CRB1: variants seen among roughly 807,000 people sequenced by gnomAD.
CRB1 encodes the protein protein crumbs homolog 1.
A neutral mutation model predicts 120.0 loss-of-function variants in CRB1; 83 were observed. The observed-to-expected ratio is 0.69, with a 90% CI of 0.58 to 0.83. The LOEUF (loss-of-function observed/expected upper bound fraction) is 0.83. Ranked by LOEUF, CRB1 falls within the 40% of genes least tolerant of loss-of-function variation. The probability of loss-of-function intolerance (pLI) is 0.00; values close to 1 mark genes in which losing one functional copy is unlikely to be tolerated. For missense variants in CRB1, 1,699 were observed against 1,687.6 expected, an observed-to-expected ratio of 1.01 and a Z score of -0.12; for synonymous variants, 625 against 612.5, an observed-to-expected ratio of 1.02 and a Z score of -0.30.
chr1:197,398,512 G>A (rs1311623336), intron 5 of CRB1, among the ~76,000 whole-genome samples: 2 of 152,110 alleles, frequency 1.3e-5, no homozygotes, highest in Non-Finnish European at 2.9e-5. Flanking sequence ...GGAAGATAAG[G>A]ATAGATTAAA....
the CRB1 span, among the ~76,000 whole-genome samples, chr1:197,215,779 A>AC: frequency 6.6e-6 from 1 of 152,178 alleles, no homozygotes; most frequent in South Asian, 2.1e-4. Flanking sequence ...GCCATGCAGA[A>AC]CTGTGAGTCA....
chr1:197,214,934 CAAAACAA>C, the CRB1 span, among the ~76,000 whole-genome samples: 1 of 150,638 alleles, frequency 6.6e-6, no homozygotes, highest in Non-Finnish European at 1.5e-5. Context: ...ATCGTAAAAA[CAAAACAA>C]AAAGACTGGC....
chr1:197,336,284 C>T (rs113972509), intron 2 of CRB1, among the ~76,000 whole-genome samples: 88 of 152,294 alleles, frequency 5.8e-4, no homozygotes, highest in Admixed American at 2.6e-3. Flanking sequence ...AGGTTTGAAT[C>T]TGGGCTTGGT....
chr1:197,264,118 C>A (rs904276625), upstream of CRB1, among the ~76,000 whole-genome samples: 1 of 152,088 alleles, frequency 6.6e-6, no homozygotes, highest in African/African-American at 2.4e-5. Flanking sequence ...ATCATCTATC[C>A]CTCCTCCAAC....
rs1660915892 is a variant in CRB1 at position 197,363,868 on chromosome 1, A to AAC, written c.1171+6856_1171+6857dup. 3 of 934,486 alleles carry AAC rather than the reference A, an allele frequency of 3.2e-6. No individual in the cohort carries two copies. The African/African-American group carries it at 4.9e-5, about 15-fold the overall frequency. The allele number at this position is 934,486 out of a possible 1,614,324, so 57.9% of individuals were successfully genotyped here. A position where few individuals can be genotyped will look rare whatever the true frequency, so the allele number is the denominator to read the frequency against. On this transcript the variant is annotated intron_variant, in intron 5 of 11. Transcript: ENST00000367400. Reference sequence around the variant, plus strand: ...CAGGACTGTGATGGTATAGGAAGGGAACGTGGAAGGTGCATAGAGGACCCT... The same window carrying AAC: ...CAGGACTGTGATGGTATAGGAAGGGAACACGTGGAAGGTGCATAGAGGACCCT...
chr1:197,207,060 C>T, the CRB1 span, among the ~76,000 whole-genome samples: 1 of 152,152 alleles, frequency 6.6e-6, no homozygotes, highest in South Asian at 2.1e-4. Context: ...AGCTATTCCT[C>T]CTTGCTTTTG....
In CRB1 at chr1:197,268,306, CT is replaced by C. The variant is rs2125193717; in HGVS notation, c.-106del. The C allele has an allele frequency of 3.7e-6, 3 of 808,008 alleles. No homozygotes were observed. Among genetic ancestry groups the C allele is most frequent in the Non-Finnish European group, 6.7e-6 (3 of 446,832 alleles). The allele number at this position is 808,008 out of a possible 1,614,324, so 50.1% of individuals were successfully genotyped here. A position where few individuals can be genotyped will look rare whatever the true frequency, so the allele number is the denominator to read the frequency against. On this transcript the variant is annotated 5_prime_UTR_variant, in exon 1 of 12. The change abolishes the stop of an existing upstream ORF in the 5' untranslated region. Transcript: ENST00000367400. ...AAGTAGGGTGGGACAGAGATGGCACCTGGGGGTTCTGAGGCACCCGCTCCTC... is the reference window on the plus strand; with the variant it reads ...AAGTAGGGTGGGACAGAGATGGCACCGGGGGTTCTGAGGCACCCGCTCCTC...
At position 197,328,555 on chromosome 1, in the gene CRB1, C is replaced by A. The variant is rs747895417; in HGVS notation, c.204C>A (p.Asp68Glu). 1 of 1,614,198 alleles carries A rather than the reference C, an allele frequency of 6.2e-7. No individual in the cohort carries two copies. ...CCAATAATTTGGACAAAGACTGTGA[C>A]AACATGAAAGACCCTTGCTTCTCCA... Reference protein sequence around the residue: ...DTANNLDKDCDNMKDPCFSNP... With the variant: ...DTANNLDKDCENMKDPCFSNP... The change falls in exon 2 of 12, where the codon GAC becomes GAA. Residue 68 changes from aspartate to glutamate, a missense_variant. By Grantham distance (45) the Asp-to-Glu change is conservative (BLOSUM62 2). Coordinates refer to ENST00000367400, the MANE Select transcript of CRB1 (RefSeq NM_201253.3).
At chr1:197,248,118 C>T in the CRB1 span, among the ~76,000 whole-genome samples, 50 of 151,852 alleles carry the variant, frequency 3.3e-4, no homozygotes, top group South Asian at 4.2e-4. Context: ...GTGTATTAAG[C>T]GACTGTTTTC....
rs373229699 is a variant in CRB1, at chr1:197,421,034, T to C, written c.1206T>C (p.Ser402=). The change falls in exon 6 of 12, where the codon TCT becomes TCC. Residue 402 remains serine (S), a synonymous_variant. Transcript: ENST00000367400. ...IHCEEDVNEC[S]SNPCQNGGTC... ...GCGAAGAAGACGTCAATGAATGTTC[T>C]TCAAACCCTTGCCAAAATGGTGGTA... The C allele has an allele frequency of 1.2e-5, 19 of 1,613,870 alleles. No homozygotes were observed. The highest frequency in any genetic ancestry group is 1.6e-5 in the Non-Finnish European group (19 of 1,179,820).
intron 4 of CRB1, among the ~76,000 whole-genome samples, chr1:197,351,187 C>CAAAAAAAAAAAAAA (rs780090689): frequency 2.3e-5 from 2 of 85,392 alleles, no homozygotes; most frequent in Non-Finnish European, 4.4e-5. Context: ...ACTAAAAATA[C>CAAAAAAAAAAAAAA]AAAAAAAAAA....
At chr1:197,332,930 A>C (rs556143734) in intron 2 of CRB1, among the ~76,000 whole-genome samples, 1 of 152,314 alleles carries the variant, frequency 6.6e-6, no homozygotes, top group South Asian at 2.1e-4. Flanking sequence ...GGAAAAGCCA[A>C]AGTTGAGAAG....
At chr1:197,270,564 A>G (rs188212971) in intron 1 of CRB1, among the ~76,000 whole-genome samples, 51 of 152,346 alleles carry the variant, frequency 3.3e-4, no homozygotes, top group African/African-American at 1.0e-3. Flanking sequence ...AAATATAAAC[A>G]TATCTCTCTC....
chr1:197,324,077 G>C (rs548188469), intron 1 of CRB1, among the ~76,000 whole-genome samples: 2 of 152,286 alleles, frequency 1.3e-5, no homozygotes, highest in South Asian at 4.2e-4. Context: ...GGGATATTAA[G>C]ATACAGGTGA....
chr1:197,433,218 A>G (rs1425306828), intron 8 of CRB1, among the ~76,000 whole-genome samples: 1 of 152,022 alleles, frequency 6.6e-6, no homozygotes, highest in Non-Finnish European at 1.5e-5. Flanking sequence ...TTATGTTTAG[A>G]ATTTAGGATT....
At chr1:197,413,907 C>A (rs1210405650) in intron 5 of CRB1, 1 of 456,410 alleles carries the variant, frequency 2.2e-6, no homozygotes, top group Admixed American at 2.4e-5. Flanking sequence ...ACTCTGTCAA[C>A]CTAGTAGGTG....
chr1:197,442,216 G>C lies in CRB1; in HGVS notation c.3929G>C (p.Gly1310Ala), dbSNP rs778373995. 6.2e-7 allele frequency: 1 copy of C among 1,614,120 alleles called. No individual in the cohort carries two copies. The highest frequency in any genetic ancestry group is 8.5e-7 in the Non-Finnish European group (1 of 1,180,022). ...GCCTCTGATCCGTGTGTCAATGGAG[G>C]TCTGTGCCAGGACTTACTCAACAAA... ...ECASDPCVNG[G>A]LCQDLLNKFQ... The change falls in exon 11 of 12, where the codon GGT becomes GCT. Residue 1310 changes from glycine to alanine, a missense_variant. Physicochemically the swap from Gly to Ala is moderately conservative, Grantham distance 60. Transcript: ENST00000367400.
rs530245652 is a variant in CRB1 at position 197,477,897 on chromosome 1, G to A, written c.*18G>A. ...TGATTTAGGAGCATTGTGTCCCTTC[G>A]AGATGGGGATCCACACACTGTGAAT... On this transcript the variant is annotated 3_prime_UTR_variant, in exon 12 of 12. Transcript: ENST00000367400. 4.7e-5 allele frequency: 75 copies of A among 1,609,728 alleles called. No homozygotes were observed. Among genetic ancestry groups the A allele is most frequent in the East Asian group, 1.1e-4 (5 of 44,844 alleles).
At chr1:197,241,014 G>A in the CRB1 span, among the ~76,000 whole-genome samples, 31 of 152,266 alleles carry the variant, frequency 2.0e-4, no homozygotes, top group African/African-American at 7.5e-4. Context: ...AGAAGTGCCT[G>A]TTCATATCCT....
Sources: gnomAD v4.1 joint callset for allele counts (sites outside exome capture counted in the v4.1 genomes callset) on GRCh38, gnomAD v4.1.1 for gene constraint, MANE v1.5 for transcripts, NCBI Gene and HGNC (gene_info 2026-07-23, HGNC 2026-07-21) for gene names.